The following NRG1 variants were observed in gnomAD, a reference collection of about 807,000 sequenced individuals.
The protein encoded by NRG1 is pro-neuregulin-1, membrane-bound isoform.
In NRG1, 18 loss-of-function variants were observed where a neutral mutation model predicts 63.8. That is an observed-to-expected ratio of 0.28 (90% CI 0.19 to 0.42). The LOEUF is 0.42. NRG1 is among the 10% of genes least tolerant of loss of function. NRG1 has a pLI of 1.00. For missense variants in NRG1, 762 were observed against 814.7 expected, an observed-to-expected ratio of 0.94 and a Z score of 0.79; for synonymous variants, 302 against 301.3, an observed-to-expected ratio of 1.00 and a Z score of -0.02.
At chr8:32,665,628 G>A (rs1043531443) in intron 5 of NRG1, among the ~76,000 whole-genome samples, 2 of 152,148 alleles carry the variant, frequency 1.3e-5, no homozygotes, top group South Asian at 2.1e-4. Context: ...CAGTGTATTG[G>A]TGCTTATTTT....
rs146516450 is a variant in NRG1 at position 32,073,182 on chromosome 8, G to A, written c.37+433751G>A. 4.6e-5 allele frequency among the ~76,000 whole-genome samples: 7 copies of A among 152,212 alleles called. 1 individual carries two copies. In the East Asian group the frequency reaches 5.8e-4, roughly 13 times the overall value. The stretch of plus-strand genomic sequence containing the variant: ...CATTCCTGCCCTTTGGGTGTTCCGC[G>A]TCATTCACTATCTTGTCATTACAGC... On this transcript the variant is annotated intron_variant, in intron 1 of 10. Transcript: ENST00000519301.
intron 5 of NRG1, among the ~76,000 whole-genome samples, chr8:32,671,088 T>C (rs1805532577): frequency 6.6e-6 from 1 of 151,942 alleles, no homozygotes; most frequent in African/African-American, 2.4e-5. Flanking sequence ...TATTATTCTT[T>C]TTCTCAAGAC....
chr8:31,748,333 A>C (rs1338798375), intron 1 of NRG1, among the ~76,000 whole-genome samples: 1 of 151,946 alleles, frequency 6.6e-6, no homozygotes, highest in Non-Finnish European at 1.5e-5. Flanking sequence ...TCTTATGGGT[A>C]CTGCTAATTG....
At chr8:31,856,954 G>T (rs1234996539) in intron 1 of NRG1, among the ~76,000 whole-genome samples, 1 of 152,182 alleles carries the variant, frequency 6.6e-6, no homozygotes, top group African/African-American at 2.4e-5. Flanking sequence ...CCCACTTGAG[G>T]AGGCAGTCTG....
chr8:31,824,370 C>G (rs1467832483), intron 1 of NRG1, among the ~76,000 whole-genome samples: 1 of 152,112 alleles, frequency 6.6e-6, no homozygotes, highest in East Asian at 1.9e-4. Flanking sequence ...TTTTTTATGG[C>G]TGCATAGGCC....
chr8:31,931,038 G>A (rs1246456947), intron 1 of NRG1, among the ~76,000 whole-genome samples: 4 of 152,126 alleles, frequency 2.6e-5, no homozygotes, highest in Non-Finnish European at 5.9e-5. Flanking sequence ...ATGTTGTAGA[G>A]TTTGGATTCA....
chr8:31,857,366 C>T (rs1303822360), intron 1 of NRG1, among the ~76,000 whole-genome samples: 5 of 152,204 alleles, frequency 3.3e-5, no homozygotes, highest in African/African-American at 9.7e-5. Flanking sequence ...GTGGGAGTGA[C>T]CCGATTTTCC....
At chr8:32,302,292 T>C (rs1855661415) in intron 1 of NRG1, among the ~76,000 whole-genome samples, 3 of 152,198 alleles carry the variant, frequency 2.0e-5, no homozygotes, top group African/African-American at 7.2e-5. Flanking sequence ...TCCTAACCCC[T>C]GACGATCTTC....
intron 1 of NRG1, among the ~76,000 whole-genome samples, chr8:31,726,690 AC>A (rs1813482289): frequency 6.6e-6 from 1 of 152,114 alleles, no homozygotes; most frequent in Non-Finnish European, 1.5e-5. Flanking sequence ...AAGAAGCTGG[AC>A]TGCAGAGCAG....
chr8:31,842,210 G>T (rs1244622466), intron 1 of NRG1, among the ~76,000 whole-genome samples: 2 of 152,160 alleles, frequency 1.3e-5, no homozygotes, highest in Non-Finnish European at 2.9e-5. Context: ...TGGTTAACCT[G>T]GTTTTTATCT....
chr8:32,025,621 T>C (rs1387064562), intron 1 of NRG1, among the ~76,000 whole-genome samples: 1 of 150,608 alleles, frequency 6.6e-6, no homozygotes, highest in Non-Finnish European at 1.5e-5. Flanking sequence ...TTTTTTTTTT[T>C]TTTTATTTTA....
intron 1 of NRG1, among the ~76,000 whole-genome samples, chr8:32,299,045 A>AG (rs1232857628): frequency 5.3e-3 from 773 of 145,034 alleles, no homozygotes; most frequent in Non-Finnish European, 8.6e-3. Context: ...AAAAAAAAAA[A>AG]AAAGAAAGAA....
intron 1 of NRG1, among the ~76,000 whole-genome samples, chr8:32,401,935 A>G (rs1174428545): frequency 1.3e-5 from 2 of 152,072 alleles, no homozygotes; most frequent in Non-Finnish European, 1.5e-5. Flanking sequence ...TTTGAGACAG[A>G]GTCTTGTTCT....
At chr8:31,983,881 A>G (rs1586256067) in intron 1 of NRG1, among the ~76,000 whole-genome samples, 1 of 152,114 alleles carries the variant, frequency 6.6e-6, no homozygotes, top group Non-Finnish European at 1.5e-5. Context: ...TCTGGAAGAT[A>G]GAAGTGAAAT....
intron 5 of NRG1, among the ~76,000 whole-genome samples, chr8:32,619,239 A>C (rs910518326): frequency 5.3e-5 from 8 of 152,106 alleles, no homozygotes; most frequent in Non-Finnish European, 1.0e-4. Context: ...ACAAACAAAC[A>C]AAAAAACATC....
intron 1 of NRG1, among the ~76,000 whole-genome samples, chr8:32,591,955 G>GAA (rs200916004): frequency 6.6e-6 from 1 of 150,704 alleles, no homozygotes; most frequent in African/African-American, 2.4e-5. Context: ...AAGTTAAAAA[G>GAA]AAAAAAAAGA....
chr8:32,135,851 C>A (rs1442674678), intron 1 of NRG1, among the ~76,000 whole-genome samples: 2 of 151,582 alleles, frequency 1.3e-5, no homozygotes, highest in African/African-American at 4.9e-5. Flanking sequence ...AGGACAGAGC[C>A]CAGGGGTACT....
At position 32,271,206 on chromosome 8, in the gene NRG1, T is replaced by C. The variant is rs73248769; in HGVS notation, c.38-324622T>C. ...ATATATGCCACAGGCTGAAATAGTC[T>C]TCCCAAAAATTAGTCATTAAAAAAG... On this transcript the variant is annotated intron_variant, in intron 1 of 10. Coordinates refer to the NRG1 transcript ENST00000519301. Among the ~76,000 whole-genome samples, 972 of 152,300 alleles carry C rather than the reference T, an allele frequency of 6.4e-3. 5 individuals carry two copies. The highest frequency in any genetic ancestry group is 0.01 in the Non-Finnish European group (692 of 68,026).
At chr8:32,013,560 A>T (rs1449463729) in intron 1 of NRG1, among the ~76,000 whole-genome samples, 1 of 152,114 alleles carries the variant, frequency 6.6e-6, no homozygotes, top group Non-Finnish European at 1.5e-5. Flanking sequence ...ACAGAGAACC[A>T]CCAGCCCTGA....
Sources: gnomAD v4.1 joint callset for allele counts (sites outside exome capture counted in the v4.1 genomes callset) on GRCh38, gnomAD v4.1.1 for gene constraint, MANE v1.5 for transcripts, NCBI Gene and HGNC (gene_info 2026-07-23, HGNC 2026-07-21) for gene names.